The following PEPD variants were observed in gnomAD, a reference collection of about 807,000 sequenced individuals.
PEPD encodes the protein xaa-Pro dipeptidase.
In PEPD, 53 loss-of-function variants were observed where a neutral mutation model predicts 60.7. The observed-to-expected ratio is 0.87, with a 90% confidence interval of 0.70 to 1.10. The LOEUF (loss-of-function observed/expected upper bound fraction) is 1.10, where lower values mean the gene tolerates loss of function less well. PEPD is among the 50% of genes least tolerant of loss of function. The pLI is 0.00. For missense variants in PEPD, 711 were observed against 711.9 expected (o/e 1.00, Z 0.01); for synonymous variants, 267 against 284.1 (o/e 0.94, Z 0.60).
At chr19:33,435,611 G>A (rs1045885892) in intron 9 of PEPD, among the ~76,000 whole-genome samples, 23 of 152,266 alleles carry the variant, frequency 1.5e-4, no homozygotes, top group African/African-American at 2.9e-4. Context: ...CCTGCAGCAC[G>A]CCTCTCTGGC....
chr19:33,467,381 C>G (rs191199867), intron 7 of PEPD, among the ~76,000 whole-genome samples: 103 of 151,818 alleles, frequency 6.8e-4, no homozygotes, highest in African/African-American at 2.4e-3. Context: ...TTAATGTCTC[C>G]CCCAAACAGG....
At chr19:33,388,704 G>T (rs1968139976) in intron 13 of PEPD, 1 of 178,612 alleles carries the variant, frequency 5.6e-6, no homozygotes, top group Non-Finnish European at 1.2e-5. Flanking sequence ...GGAGAGCTCG[G>T]GGCCTTACGG....
chr19:33,461,712 T>A (rs1969929038), intron 9 of PEPD, among the ~76,000 whole-genome samples: 1 of 152,064 alleles, frequency 6.6e-6, no homozygotes, highest in African/African-American at 2.4e-5. Flanking sequence ...ACAACACACT[T>A]CCCATCCCAG....
At chr19:33,437,341 A>C (rs1969396312) in intron 9 of PEPD, among the ~76,000 whole-genome samples, 1 of 151,982 alleles carries the variant, frequency 6.6e-6, no homozygotes, top group African/African-American at 2.4e-5. Flanking sequence ...AACTACTTTT[A>C]TTTGTCCCCA....
chr19:33,513,797 C>T (rs1351362673), intron 1 of PEPD, among the ~76,000 whole-genome samples: 1 of 151,636 alleles, frequency 6.6e-6, no homozygotes, highest in Non-Finnish European at 1.5e-5. Context: ...CCTAAACCCC[C>T]AGAACACTCC....
intron 1 of PEPD, among the ~76,000 whole-genome samples, chr19:33,517,288 G>A (rs1050331692): frequency 6.6e-6 from 1 of 151,852 alleles, no homozygotes; most frequent in African/African-American, 2.4e-5. Context: ...AGCCAGGTGT[G>A]GTGGCTCATG....
intron 9 of PEPD, among the ~76,000 whole-genome samples, chr19:33,453,582 A>G (rs1969740238): frequency 6.6e-6 from 1 of 152,164 alleles, no homozygotes; most frequent in Non-Finnish European, 1.5e-5. Context: ...ATGTACATTG[A>G]TTTTTTGAGA....
In PEPD at chr19:33,392,119, G is replaced by A. The variant is rs565482530; in HGVS notation, c.968-640C>T. Among the ~76,000 whole-genome samples, 6 of 152,048 alleles carry A rather than the reference G, an allele frequency of 3.9e-5. No homozygotes were observed. The South Asian group carries it at 6.2e-4, about 16-fold the overall frequency. On this transcript the variant is annotated intron_variant, in intron 12 of 14. Coordinates refer to ENST00000244137, the MANE Select transcript of PEPD (RefSeq NM_000285.4). ...CTGGCTGGCAGGGGTTCGGGGCCCC[G>A]CCTGCCAACAGCAGGGGCACCATCT...
At chr19:33,439,982 T>A (rs1969453659) in intron 9 of PEPD, among the ~76,000 whole-genome samples, 1 of 152,164 alleles carries the variant, frequency 6.6e-6, no homozygotes, top group African/African-American at 2.4e-5. Context: ...ACTACCAAAG[T>A]ACTGGGATTA....
chr19:33,392,971 G>A (rs4594366), intron 12 of PEPD, among the ~76,000 whole-genome samples: 28,890 of 152,100 alleles, frequency 0.19, 3,069 homozygotes, highest in African/African-American at 0.29. Flanking sequence ...GGGGGTGCAC[G>A]GCTTTGGGCA....
In PEPD at chr19:33,387,463, C is replaced by CGT; in HGVS notation, c.1361_1362dup (p.Val455ThrfsTer4). 1 of 1,613,788 alleles carries CGT rather than the reference C, an allele frequency of 6.2e-7. No individual in the cohort carries two copies. The highest frequency in any genetic ancestry group is 1.1e-5 in the South Asian group (1 of 91,084). ...TCTATGCCGCTGTCAGTCACCACGACGTCCTCCTCGATGCGGACCTGGGTC... is the reference window on the plus strand; with the variant it reads ...TCTATGCCGCTGTCAGTCACCACGACGTGTCCTCCTCGATGCGGACCTGGGTC... On this transcript the variant is annotated frameshift_variant, in exon 15 of 15. Transcript: ENST00000244137. LOFTEE classifies it high-confidence loss of function.
At position 33,511,131 on chromosome 19, in the gene PEPD, C is replaced by G; in HGVS notation, c.226G>C (p.Gly76Arg). Residue 76 changes from glycine to arginine, a missense_variant, in exon 3 of 15, where the codon GGT becomes CGT. By Grantham distance (125) the Gly-to-Arg change is moderately radical (BLOSUM62 -2). Transcript: ENST00000244137. ...RQESFFHWAF[G>R]VTEPGCYGVI... ...CCATAGCAGCCTGGCTCAGTGACAC[C>G]GAACGCCCAGTGAAAGAAGGACTCC... is the stretch of plus-strand genomic sequence containing the variant. 6.2e-7 allele frequency: 1 copy of G among 1,613,998 alleles called. No homozygotes were observed. Among genetic ancestry groups the G allele is most frequent in the Non-Finnish European group, 8.5e-7 (1 of 1,179,918 alleles).
At chr19:33,473,002 A>T (rs1186559836) in intron 7 of PEPD, among the ~76,000 whole-genome samples, 3 of 152,222 alleles carry the variant, frequency 2.0e-5, no homozygotes, top group Non-Finnish European at 2.9e-5. Flanking sequence ...AAGAAACCAA[A>T]GCCATGAAGA....
At chr19:33,496,519 A>G (rs1048378381) in intron 4 of PEPD, among the ~76,000 whole-genome samples, 1 of 152,152 alleles carries the variant, frequency 6.6e-6, no homozygotes, top group Non-Finnish European at 1.5e-5. Context: ...CATTAGTGCT[A>G]CGCTCTCATC....
intron 1 of PEPD, among the ~76,000 whole-genome samples, chr19:33,512,997 T>C (rs1970957998): frequency 6.6e-6 from 1 of 151,120 alleles, no homozygotes; most frequent in South Asian, 2.1e-4. Context: ...ACCCATGCTG[T>C]CCTGACTCCA....
chr19:33,507,643 T>A (rs962392335), intron 3 of PEPD, among the ~76,000 whole-genome samples: 2 of 152,168 alleles, frequency 1.3e-5, no homozygotes, highest in African/African-American at 4.8e-5. Flanking sequence ...AGGTCAAATG[T>A]GAAGTCTGGT....
intron 7 of PEPD, among the ~76,000 whole-genome samples, chr19:33,466,271 A>G (rs1009676949): frequency 6.6e-6 from 1 of 152,236 alleles, no homozygotes; most frequent in African/African-American, 2.4e-5. Context: ...CAAAACAGAT[A>G]TATGTATGAA....
intron 9 of PEPD, among the ~76,000 whole-genome samples, chr19:33,420,482 C>T (rs1457085610): frequency 6.6e-6 from 1 of 152,130 alleles, no homozygotes; most frequent in African/African-American, 2.4e-5. Context: ...GTGCGTGAAT[C>T]ACCTGAGGTC....
chr19:33,419,547 A>G (rs193058679), intron 9 of PEPD, among the ~76,000 whole-genome samples: 13 of 152,316 alleles, frequency 8.5e-5, no homozygotes, highest in Admixed American at 1.3e-4. Context: ...GAGTCCACGC[A>G]GGGTCTCCGA....
Sources: allele counts gnomAD v4.1 joint callset (sites outside exome capture counted in the v4.1 genomes callset), GRCh38; gene constraint gnomAD v4.1.1; transcripts MANE v1.5; gene names NCBI Gene and HGNC (gene_info 2026-07-23, HGNC 2026-07-21).